GRIA2: variants seen among roughly 807,000 people sequenced by gnomAD.
GRIA2 encodes glutamate ionotropic receptor AMPA type subunit 2, also known as glutamate receptor 2.
In GRIA2, 14 loss-of-function variants were observed where a neutral mutation model predicts 97.3. The ratio of observed to expected loss-of-function variants is 0.14; its 90% confidence interval spans 0.10 to 0.23. The LOEUF (loss-of-function observed/expected upper bound fraction) is 0.23. Among genes scored for constraint, GRIA2 ranks in the 10% least tolerant of loss-of-function variants. GRIA2 has a pLI of 1.00. For missense variants in GRIA2, 558 were observed against 1,069.8 expected (o/e 0.52, Z 6.67); for synonymous variants, 412 against 387.8 (o/e 1.06, Z -0.73).
intron 12 of GRIA2, among the ~76,000 whole-genome samples, chr4:157,355,614 T>TTATTTATATATATA (rs1560780544): frequency 2.2e-5 from 3 of 139,224 alleles, no homozygotes; most frequent in East Asian, 2.0e-4. Context: ...TTATATATAT[T>TTATTTATATATATA]TATTTATATA....
intron 2 of GRIA2, among the ~76,000 whole-genome samples, chr4:157,298,714 A>C (rs1472312271): frequency 6.7e-6 from 1 of 148,314 alleles, no homozygotes; most frequent in African/African-American, 2.5e-5. Context: ...AAAACATAGT[A>C]GATAAAATTC....
At chr4:157,323,591 T>A (rs1734682506) in intron 6 of GRIA2, among the ~76,000 whole-genome samples, 1 of 152,068 alleles carries the variant, frequency 6.6e-6, no homozygotes, top group Admixed American at 6.5e-5. Flanking sequence ...GGAACCAGCA[T>A]GCTCCTTTCG....
chr4:157,302,174 C>T (rs1733644865), intron 2 of GRIA2, among the ~76,000 whole-genome samples: 1 of 134,998 alleles, frequency 7.4e-6, no homozygotes, highest in Admixed American at 7.8e-5. Flanking sequence ...AGGACTGTGT[C>T]TCAAAAAAAA....
chr4:157,284,659 A>G (rs1424801815), intron 2 of GRIA2, among the ~76,000 whole-genome samples: 4 of 151,714 alleles, frequency 2.6e-5, no homozygotes, highest in Non-Finnish European at 5.9e-5. Flanking sequence ...CTTACTACTC[A>G]TATGGTTTAC....
At chr4:157,240,473 C>G (rs1730456148) in intron 2 of GRIA2, among the ~76,000 whole-genome samples, 1 of 150,246 alleles carries the variant, frequency 6.7e-6, no homozygotes, top group African/African-American at 2.4e-5. Context: ...TATTTATTTC[C>G]TTTCCTTCCT....
chr4:157,240,908 G>T (rs1730479839), intron 2 of GRIA2, among the ~76,000 whole-genome samples: 1 of 149,468 alleles, frequency 6.7e-6, no homozygotes, highest in Admixed American at 6.7e-5. Context: ...CCCTTCCTGT[G>T]TCCATGTGAT....
At chr4:157,258,208 T>C (rs1731365333) in intron 2 of GRIA2, among the ~76,000 whole-genome samples, 1 of 152,080 alleles carries the variant, frequency 6.6e-6, no homozygotes, top group African/African-American at 2.4e-5. Context: ...AACTATTAGG[T>C]CTGGCTGCCT....
At chr4:157,268,973 C>G (rs1731894307) in intron 2 of GRIA2, among the ~76,000 whole-genome samples, 1 of 152,034 alleles carries the variant, frequency 6.6e-6, no homozygotes, top group Admixed American at 6.6e-5. Flanking sequence ...TGAAACCCAC[C>G]TACCATGTAC....
chr4:157,275,436 C>T (rs1005862647), intron 2 of GRIA2, among the ~76,000 whole-genome samples: 1 of 152,136 alleles, frequency 6.6e-6, no homozygotes, highest in Non-Finnish European at 1.5e-5. Flanking sequence ...GTCATGAAGT[C>T]CTTGCCCATG....
intron 6 of GRIA2, among the ~76,000 whole-genome samples, chr4:157,324,193 C>T (rs1734706797): frequency 6.6e-6 from 1 of 152,144 alleles, no homozygotes; most frequent in Non-Finnish European, 1.5e-5. Flanking sequence ...CCAACTTTAA[C>T]ATTTTATAAT....
intron 11 of GRIA2, among the ~76,000 whole-genome samples, chr4:157,339,932 TA>T (rs1315063818): frequency 1.3e-5 from 2 of 151,928 alleles, no homozygotes; most frequent in Non-Finnish European, 2.9e-5. Flanking sequence ...CTTTCATATT[TA>T]TTTTTTTGTA....
chr4:157,236,248 T>C (rs898652997), intron 2 of GRIA2, among the ~76,000 whole-genome samples: 1 of 152,078 alleles, frequency 6.6e-6, no homozygotes, highest in Non-Finnish European at 1.5e-5. Flanking sequence ...AAAATAATCA[T>C]GCATATGGTA....
chr4:157,301,235 G>T (rs2126860678), intron 2 of GRIA2, among the ~76,000 whole-genome samples: 1 of 152,248 alleles, frequency 6.6e-6, no homozygotes, highest in Middle Eastern at 3.4e-3. Flanking sequence ...TATAAAATAA[G>T]AAATCACTGC....
intron 2 of GRIA2, chr4:157,249,786 A>C (rs1173383342): frequency 6.6e-6 from 1 of 152,174 alleles, no homozygotes; most frequent in Non-Finnish European, 1.5e-5. Flanking sequence ...GTTAATACAA[A>C]TTTATTTCCC....
chr4:157,287,187 G>A (rs1392705322), intron 2 of GRIA2, among the ~76,000 whole-genome samples: 1 of 151,144 alleles, frequency 6.6e-6, no homozygotes, highest in East Asian at 1.9e-4. Flanking sequence ...TCAATCCATT[G>A]GATTTTTATG....
chr4:157,338,699 T>C (rs1200240164), intron 11 of GRIA2, among the ~76,000 whole-genome samples: 1 of 152,152 alleles, frequency 6.6e-6, no homozygotes, highest in Non-Finnish European at 1.5e-5. Context: ...TTGTTATTGA[T>C]TGGTATTTTT....
At chr4:157,309,412 C>T (rs1484543882) in intron 3 of GRIA2, among the ~76,000 whole-genome samples, 2 of 142,094 alleles carry the variant, frequency 1.4e-5, no homozygotes, top group African/African-American at 2.7e-5. Flanking sequence ...AGTGCAGTGG[C>T]GTGACCTCGG....
At chr4:157,248,638 C>CCTGTGTATATA (rs1170727292) in intron 2 of GRIA2, among the ~76,000 whole-genome samples, 3 of 109,714 alleles carry the variant, frequency 2.7e-5, no homozygotes, top group Non-Finnish European at 3.8e-5. Context: ...TATATATACA[C>CCTGTGTATATA]CTGTATATAT....
At chr4:157,293,420 A>G (rs1013101012) in intron 2 of GRIA2, among the ~76,000 whole-genome samples, 1 of 152,166 alleles carries the variant, frequency 6.6e-6, no homozygotes, top group South Asian at 2.1e-4. Flanking sequence ...TCCCTGCCAG[A>G]TATCAAAGTA....
Sources: allele counts gnomAD v4.1 joint callset (sites outside exome capture counted in the v4.1 genomes callset), GRCh38; gene constraint gnomAD v4.1.1; transcripts MANE v1.5; gene names NCBI Gene and HGNC (gene_info 2026-07-23, HGNC 2026-07-21).